RFTN1: variants seen among roughly 807,000 people sequenced by gnomAD.
RFTN1 encodes the protein raftlin.
Under a neutral mutation model 46.5 loss-of-function variants are expected in RFTN1, and 26 were observed. The observed-to-expected ratio is 0.56, with a 90% confidence interval of 0.41 to 0.78. RFTN1 has a LOEUF of 0.78. Among genes scored for constraint, RFTN1 ranks in the 30% least tolerant of loss-of-function variants. The probability of loss-of-function intolerance (pLI) is 0.00; values close to 1 mark genes in which losing one functional copy is unlikely to be tolerated. For synonymous variants in RFTN1, 261 were observed against 284.2 expected (o/e 0.92, Z 0.82); for missense variants, 693 against 718.7 (o/e 0.96, Z 0.41).
In RFTN1 at chr3:16,353,462, C is replaced by G. The variant is rs892643537; in HGVS notation, c.1146+4470G>C. 6.6e-6 allele frequency among the ~76,000 whole-genome samples: 1 copy of G among 152,152 alleles called. No homozygotes were observed. The highest frequency in any genetic ancestry group is 1.5e-5 in the Non-Finnish European group (1 of 68,030). The stretch of plus-strand genomic sequence containing the variant: ...TTACAGAGCTGTCTACACTTAGTTC[C>G]CCTAAGACAGGGATTCTCAAGGTGG... On this transcript the variant is annotated intron_variant, in intron 7 of 9. Coordinates refer to ENST00000334133, the MANE Select transcript of RFTN1 (RefSeq NM_015150.2). This position sits in a 1 kb window ranked among gnomAD's most constrained non-coding sequence, Gnocchi z 5.4.
In RFTN1 at chr3:16,507,360, TAAAGA is replaced by T. The variant is rs2076823979; in HGVS notation, c.-9+6077_-9+6081del. On this transcript the variant is annotated intron_variant, in intron 1 of 9. Transcript: ENST00000334133. The surrounding 1 kb of genome is among the most constrained non-coding windows in gnomAD (Gnocchi z 7.1). ...AAAATCCCAAAAGACCTCTCTAAAT[TAAAGA>T]AGTGTTTAAATAAACAACCTGATTT... Among the ~76,000 whole-genome samples, 2 of 152,138 alleles carry T rather than the reference TAAAGA, an allele frequency of 1.3e-5. No homozygotes were observed. Among genetic ancestry groups the T allele is most frequent in the African/African-American group, 4.8e-5 (2 of 41,420 alleles).
rs1368634015 is a variant in RFTN1 at position 16,384,310 on chromosome 3, G to A, written c.442-6208C>T. Among the ~76,000 whole-genome samples, 1 of 152,188 alleles carries A rather than the reference G, an allele frequency of 6.6e-6. No homozygotes were observed. Among genetic ancestry groups the A allele is most frequent in the South Asian group, 2.1e-4 (1 of 4,834 alleles). On this transcript the variant is annotated intron_variant, in intron 4 of 9. Transcript: ENST00000334133. This position sits in a 1 kb window ranked among gnomAD's most constrained non-coding sequence, Gnocchi z 4.7. ...CAATTTTCTCTCTTCCCACCAGGAG[G>A]TAGGGGAAAATAAGATAGCACAGGG...
In RFTN1 at chr3:16,512,602, T is replaced by C. The variant is rs1252430685; in HGVS notation, c.-9+840A>G. On this transcript the variant is annotated intron_variant, in intron 1 of 9. Transcript: ENST00000334133. This position sits in a 1 kb window ranked among gnomAD's most constrained non-coding sequence, Gnocchi z 4.3. ...ACCTTGGCCTCCACGCGGTTCTTGC[T>C]GCCAAAGGCAGCGACACCGGAGGTG... Among the ~76,000 whole-genome samples the C allele has an allele frequency of 6.6e-6, 1 of 152,048 alleles. No individual in the cohort carries two copies. The highest frequency in any genetic ancestry group is 2.4e-5 in the African/African-American group (1 of 41,398).
At position 16,457,317 on chromosome 3, in the gene RFTN1, T is replaced by C. The variant is rs921485977; in HGVS notation, c.146-23280A>G. Reference sequence around the variant, plus strand: ...ATTTAGACTTCCTGGGTTCAAATCCTGGCTTGGCCTCTTGCCAAGTGACCT... The same window carrying C: ...ATTTAGACTTCCTGGGTTCAAATCCCGGCTTGGCCTCTTGCCAAGTGACCT... On this transcript the variant is annotated intron_variant, in intron 2 of 9. Transcript: ENST00000334133. This position sits in a 1 kb window ranked among gnomAD's most constrained non-coding sequence, Gnocchi z 4.2. 6.6e-6 allele frequency among the ~76,000 whole-genome samples: 1 copy of C among 152,268 alleles called. No individual in the cohort carries two copies. The highest frequency in any genetic ancestry group is 2.4e-5 in the African/African-American group (1 of 41,470).
In RFTN1 at chr3:16,460,808, A is replaced by G. The variant is rs2075996358; in HGVS notation, c.146-26771T>C. 6.6e-6 allele frequency among the ~76,000 whole-genome samples: 1 copy of G among 152,208 alleles called. No individual in the cohort carries two copies. The highest frequency in any genetic ancestry group is 1.5e-5 in the Non-Finnish European group (1 of 68,042). On this transcript the variant is annotated intron_variant, in intron 2 of 9. Coordinates refer to ENST00000334133, the MANE Select transcript of RFTN1 (RefSeq NM_015150.2). The surrounding 1 kb of genome is among the most constrained non-coding windows in gnomAD (Gnocchi z 4.8). ...TAGATGGTTCCAGAAAATCTGAGAC[A>G]TGTGGCCACCACAGCTGTGAAGTGG...
At chr3:16,343,327 TAC>T (rs1389579434) in intron 7 of RFTN1, among the ~76,000 whole-genome samples, 1 of 152,210 alleles carries the variant, frequency 6.6e-6, no homozygotes, top group African/African-American at 2.4e-5. Flanking sequence ...GAGTTCCACA[TAC>T]ACTCTCCAAT....
chr3:16,486,126 G>A (rs1355043582), intron 2 of RFTN1, among the ~76,000 whole-genome samples: 1 of 151,924 alleles, frequency 6.6e-6, no homozygotes, highest in Non-Finnish European at 1.5e-5. Flanking sequence ...CACCTGCCAG[G>A]CAGTCCCTAG....
At chr3:16,325,176 T>A (rs1225351171) in intron 8 of RFTN1, among the ~76,000 whole-genome samples, 1 of 152,212 alleles carries the variant, frequency 6.6e-6, no homozygotes, top group Non-Finnish European at 1.5e-5. Context: ...AATTCACACA[T>A]AATGGCTCAT....
In RFTN1 at chr3:16,341,902, C is replaced by A. The variant is rs549112346; in HGVS notation, c.1147-15026G>T. 6.6e-6 allele frequency among the ~76,000 whole-genome samples: 1 copy of A among 152,232 alleles called. No individual in the cohort carries two copies. Among genetic ancestry groups the A allele is most frequent in the African/African-American group, 2.4e-5 (1 of 41,532 alleles). On this transcript the variant is annotated intron_variant, in intron 7 of 9. Coordinates refer to ENST00000334133, the MANE Select transcript of RFTN1 (RefSeq NM_015150.2). This position sits in a 1 kb window ranked among gnomAD's most constrained non-coding sequence, Gnocchi z 4.7. ...TATGCAAATATAGATAGAATATACA[C>A]AGGAAGGATTATCCTAAGATGCTAT...
In RFTN1 at chr3:16,473,967, C is replaced by T. The variant is rs1387937699; in HGVS notation, c.145+19758G>A. Among the ~76,000 whole-genome samples, 1 of 152,118 alleles carries T rather than the reference C, an allele frequency of 6.6e-6. No individual in the cohort carries two copies. The highest frequency in any genetic ancestry group is 1.5e-5 in the Non-Finnish European group (1 of 68,020). ...ACTGTTCTATCGTGCAGTTGCCCACCCAATATGGTGAACAACAGCCCTTGG... is the reference window on the plus strand; with the variant it reads ...ACTGTTCTATCGTGCAGTTGCCCACTCAATATGGTGAACAACAGCCCTTGG... On this transcript the variant is annotated intron_variant, in intron 2 of 9. Transcript: ENST00000334133. This position sits in a 1 kb window ranked among gnomAD's most constrained non-coding sequence, Gnocchi z 5.3.
Position 16,372,938 on chromosome 3 carries a change from C to T in RFTN1, c.827-2659G>A, listed in dbSNP as rs193069196. 5.8e-4 allele frequency among the ~76,000 whole-genome samples: 88 copies of T among 152,318 alleles called. 1 individual carries two copies. The highest frequency in any genetic ancestry group is 3.2e-3 in the Admixed American group (49 of 15,302). ...TGATTGCACATGCATAACCCTTGTACGCTCCTCTGCCCCATCATCTCCTTG... is the reference window on the plus strand; with the variant it reads ...TGATTGCACATGCATAACCCTTGTATGCTCCTCTGCCCCATCATCTCCTTG... On this transcript the variant is annotated intron_variant, in intron 5 of 9. Coordinates refer to ENST00000334133, the MANE Select transcript of RFTN1 (RefSeq NM_015150.2).
In RFTN1 at chr3:16,504,248, A is replaced by T. The variant is rs968570504; in HGVS notation, c.-9+9194T>A. ...AATAGCACACATAAACTGAAAGAAGAAATATTTTTTCTTTCATTCTTAACT... is the reference window on the plus strand; with the variant it reads ...AATAGCACACATAAACTGAAAGAAGTAATATTTTTTCTTTCATTCTTAACT... On this transcript the variant is annotated intron_variant, in intron 1 of 9. Transcript: ENST00000334133. The surrounding 1 kb of genome is among the most constrained non-coding windows in gnomAD (Gnocchi z 4.4). Among the ~76,000 whole-genome samples the T allele has an allele frequency of 4.6e-5, 7 of 152,326 alleles. No homozygotes were observed. The highest frequency in any genetic ancestry group is 1.0e-4 in the Non-Finnish European group (7 of 68,026).
rs2075119460 is a variant in RFTN1, at chr3:16,418,132, T to C, written c.333-8649A>G. On this transcript the variant is annotated intron_variant, in intron 3 of 9. Transcript: ENST00000334133. This position sits in a 1 kb window ranked among gnomAD's most constrained non-coding sequence, Gnocchi z 5.0. ...TAACACTTATGAGTGCTTTCAATAT[T>C]GGTAATTATCACAGGCAAAACAGTT... Among the ~76,000 whole-genome samples, 1 of 152,200 alleles carries C rather than the reference T, an allele frequency of 6.6e-6. No individual in the cohort carries two copies. Among genetic ancestry groups the C allele is most frequent in the Non-Finnish European group, 1.5e-5 (1 of 68,040 alleles).
At chr3:16,367,745 G>A (rs1202790445) in intron 6 of RFTN1, among the ~76,000 whole-genome samples, 1 of 152,224 alleles carries the variant, frequency 6.6e-6, no homozygotes, top group East Asian at 1.9e-4. Flanking sequence ...AGGTTGAAGA[G>A]TGGGGTGACG....
chr3:16,423,467 G>C (rs1189743536), intron 3 of RFTN1, among the ~76,000 whole-genome samples: 1 of 152,160 alleles, frequency 6.6e-6, no homozygotes, highest in Non-Finnish European at 1.5e-5. Context: ...AAAGAGGAAT[G>C]CTATTAGAAG....
rs1414419549 is a variant in RFTN1 at position 16,424,441 on chromosome 3, C to T, written c.332+9410G>A. Among the ~76,000 whole-genome samples the T allele has an allele frequency of 6.6e-6, 1 of 152,148 alleles. No homozygotes were observed. Among genetic ancestry groups the T allele is most frequent in the Non-Finnish European group, 1.5e-5 (1 of 68,030 alleles). The stretch of plus-strand genomic sequence containing the variant: ...TAATGTTTTCGACAAATATTAACAA[C>T]AGAAACAACCATCATGAGGACATAA... On this transcript the variant is annotated intron_variant, in intron 3 of 9. Coordinates refer to ENST00000334133, the MANE Select transcript of RFTN1 (RefSeq NM_015150.2). The surrounding 1 kb of genome is among the most constrained non-coding windows in gnomAD (Gnocchi z 4.7).
At chr3:16,502,599 C>T (rs1266038602) in intron 1 of RFTN1, among the ~76,000 whole-genome samples, 3 of 152,154 alleles carry the variant, frequency 2.0e-5, no homozygotes, top group Non-Finnish European at 2.9e-5. Context: ...GGTTCTACCT[C>T]GCTCTCCTAG....
intron 1 of RFTN1, among the ~76,000 whole-genome samples, chr3:16,502,286 A>G (rs2076723450): frequency 6.6e-6 from 1 of 151,088 alleles, no homozygotes; most frequent in Admixed American, 6.6e-5. Flanking sequence ...GCTTGAGCCT[A>G]GGATGTTGAG....
Position 16,489,189 on chromosome 3 carries a change from A to G in RFTN1, c.145+4536T>C, listed in dbSNP as rs1357768909. On this transcript the variant is annotated intron_variant, in intron 2 of 9. Coordinates refer to ENST00000334133, the MANE Select transcript of RFTN1 (RefSeq NM_015150.2). The surrounding 1 kb of genome is among the most constrained non-coding windows in gnomAD (Gnocchi z 4.0). ...TCCCGGCACTTTGGGAAGCTGAGGC[A>G]GGCAGATCACCTGAGATCAGGAGTT... 6.6e-6 allele frequency among the ~76,000 whole-genome samples: 1 copy of G among 152,190 alleles called. No homozygotes were observed. The highest frequency in any genetic ancestry group is 1.9e-4 in the East Asian group (1 of 5,196).
Sources: allele counts gnomAD v4.1 joint callset (sites outside exome capture counted in the v4.1 genomes callset), GRCh38; gene constraint gnomAD v4.1.1; non-coding constraint Gnocchi (gnomAD v3.1); transcripts MANE v1.5; gene names NCBI Gene and HGNC (gene_info 2026-07-23, HGNC 2026-07-21).